Variants in HS6ST2 observed in about 807,000 individuals in gnomAD.
The protein encoded by HS6ST2 is heparan sulfate 6-O-sulfotransferase 2.
HS6ST2 carries 17 observed loss-of-function variants against 33.0 expected under a neutral mutation model. The observed-to-expected ratio is 0.52, with a 90% CI of 0.35 to 0.77. The LOEUF (loss-of-function observed/expected upper bound fraction) is 0.77, where lower values mean the gene tolerates loss of function less well. HS6ST2 is among the 30% of genes least tolerant of loss of function. HS6ST2 has a pLI of 0.01. For synonymous variants in HS6ST2, 248 were observed against 237.1 expected (o/e 1.05, Z -0.42); for missense variants, 519 against 551.7 (o/e 0.94, Z 0.59).
chrX:132,957,377 C>A, intron 1 of HS6ST2, 51 bp from the exon 2 acceptor site: 1 of 1,108,924 alleles, frequency 9.0e-7, no homozygotes, highest in South Asian at 2.3e-5. Context: ...AGCCCGCGCT[C>A]GTCGTGCCCC....
At chrX:132,765,041 G>C (rs764052675) in intron 2 of HS6ST2, among the ~76,000 whole-genome samples, 1 of 112,133 alleles carries the variant, frequency 8.9e-6, no homozygotes, top group Non-Finnish European at 1.9e-5. Flanking sequence ...AGCAAGTGTG[G>C]TTTTAAGTAC....
rs746184624 is a variant in HS6ST2 at position 132,774,619 on chromosome X, A to G, written c.948-66125T>C. Among the ~76,000 whole-genome samples the G allele has an allele frequency of 3.6e-5, 4 of 112,148 alleles. No individual in the cohort carries two copies. The East Asian group carries it at 1.1e-3, about 32-fold the overall frequency. ...GGAATCATCACAATTCATTTTATGT[A>G]AACTTGGGTTGTTGAACACTTTAGG... On this transcript the variant is annotated intron_variant, in intron 2 of 4. Coordinates refer to ENST00000370833, the MANE Select transcript of HS6ST2 (RefSeq NM_001394073.1).
intron 2 of HS6ST2, among the ~76,000 whole-genome samples, chrX:132,850,677 T>G (rs1036591051): frequency 1.8e-5 from 2 of 110,423 alleles, no homozygotes; most frequent in Non-Finnish European, 3.8e-5. Flanking sequence ...TGAACATAAT[T>G]TACTTTAACT....
At chrX:132,671,308 G>A (rs2063875074) in intron 3 of HS6ST2, among the ~76,000 whole-genome samples, 1 of 111,770 alleles carries the variant, frequency 8.9e-6, no homozygotes, top group Non-Finnish European at 1.9e-5. Context: ...GCAGTAGGCA[G>A]TGGGAAACTT....
At chrX:132,702,551 ATG>A (rs1414958276) in intron 3 of HS6ST2, among the ~76,000 whole-genome samples, 1 of 112,101 alleles carries the variant, frequency 8.9e-6, no homozygotes, top group Non-Finnish European at 1.9e-5. Flanking sequence ...AAGCAACAAA[ATG>A]AGAATGCATA....
chrX:132,727,239 G>GT (rs1350267371), intron 2 of HS6ST2, among the ~76,000 whole-genome samples: 1 of 101,011 alleles, frequency 9.9e-6, no homozygotes, highest in African/African-American at 3.7e-5. Flanking sequence ...GCATTATTGG[G>GT]GGGGGGGGCA....
intron 2 of HS6ST2, among the ~76,000 whole-genome samples, chrX:132,855,328 G>C (rs976120157): frequency 8.9e-6 from 1 of 112,118 alleles, no homozygotes; most frequent in Non-Finnish European, 1.9e-5. Context: ...AATCCTTCCA[G>C]ATAGGCATTA....
chrX:132,880,524 A>T (rs1308472780), intron 2 of HS6ST2, among the ~76,000 whole-genome samples: 2 of 1,167 alleles, frequency 1.7e-3, no homozygotes, highest in African/African-American at 7.2e-3. Context: ...GACTCTGTGT[A>T]AAAAAAAAAA....
At chrX:132,919,937 C>T (rs1253578673) in intron 2 of HS6ST2, among the ~76,000 whole-genome samples, 2 of 111,924 alleles carry the variant, frequency 1.8e-5, no homozygotes, top group East Asian at 2.8e-4. Context: ...AAGCATTAGT[C>T]AGCGTACGGA....
intron 3 of HS6ST2, among the ~76,000 whole-genome samples, chrX:132,683,201 T>G (rs1047131915): frequency 1.8e-5 from 2 of 111,686 alleles, no homozygotes; most frequent in Non-Finnish European, 3.8e-5. Context: ...TATGCCTAGG[T>G]GGGCATTTTA....
chrX:132,934,883 AT>A (rs1430924453), intron 2 of HS6ST2, among the ~76,000 whole-genome samples: 1 of 111,627 alleles, frequency 9.0e-6, no homozygotes, highest in Non-Finnish European at 1.9e-5. Context: ...AACACACATT[AT>A]AGATAGAAAA....
chrX:132,679,262 T>A (rs1358829710), intron 3 of HS6ST2, among the ~76,000 whole-genome samples: 1 of 112,005 alleles, frequency 8.9e-6, no homozygotes, highest in East Asian at 2.8e-4. Flanking sequence ...GCCCCTATAG[T>A]CACGTAGGTT....
rs978297405 is a variant in HS6ST2 at position 132,878,720 on chromosome X, G to A, written c.947+78088C>T. ...TTACTTTTAAAAAGTAAGATCATTT[G>A]GAATATAAATAATCATAAACCTATC... On this transcript the variant is annotated intron_variant, in intron 2 of 4. Coordinates refer to ENST00000370833, the MANE Select transcript of HS6ST2 (RefSeq NM_001394073.1). Among the ~76,000 whole-genome samples the A allele has an allele frequency of 9.0e-5, 10 of 111,715 alleles. No individual in the cohort carries two copies. In the East Asian group the frequency reaches 2.8e-3, roughly 31 times the overall value.
chrX:132,851,592 T>C (rs762369227), intron 2 of HS6ST2, among the ~76,000 whole-genome samples: 3 of 112,488 alleles, frequency 2.7e-5, no homozygotes, highest in Non-Finnish European at 3.8e-5. Flanking sequence ...ACAATATCCA[T>C]AACCAGAGAC....
rs775800765 is a variant in HS6ST2 at position 132,910,123 on chromosome X, G to A, written c.947+46685C>T. Among the ~76,000 whole-genome samples the A allele has an allele frequency of 2.7e-5, 3 of 111,766 alleles. No individual in the cohort carries two copies. The South Asian group carries it at 1.1e-3, about 42-fold the overall frequency. The stretch of plus-strand genomic sequence containing the variant: ...TGGAATCCTGAAAGCCTTCAAATTC[G>A]GTCCTGAACCTTATAATGAGAACAT... On this transcript the variant is annotated intron_variant, in intron 2 of 4. Transcript: ENST00000370833.
intron 2 of HS6ST2, among the ~76,000 whole-genome samples, chrX:132,713,556 A>G (rs1403435891): frequency 1.8e-5 from 2 of 111,633 alleles, no homozygotes; most frequent in African/African-American, 3.3e-5. Flanking sequence ...TCTGTGTTCT[A>G]CTGTTTGACC....
rs200591122 is a variant in HS6ST2, at chrX:132,787,202, CAT to C, written c.948-78710_948-78709del. Among the ~76,000 whole-genome samples, 271 of 66,669 alleles carry C rather than the reference CAT, an allele frequency of 4.1e-3. 2 individuals are homozygous for C. Among genetic ancestry groups the C allele is most frequent in the East Asian group, 0.01 (25 of 2,422 alleles). The allele number at this position is 66,669 out of a possible 115,157, so 57.9% of individuals were successfully genotyped here. A position where few individuals can be genotyped will look rare whatever the true frequency, so the allele number is the denominator to read the frequency against. On this transcript the variant is annotated intron_variant, in intron 2 of 4. Transcript: ENST00000370833. ...ATATATATATACATATATATATACA[CAT>C]ATATATATACACATATATATATACA...
intron 2 of HS6ST2, among the ~76,000 whole-genome samples, chrX:132,810,893 C>T (rs915992871): frequency 1.8e-5 from 2 of 112,360 alleles, no homozygotes; most frequent in East Asian, 5.6e-4. Context: ...CATCTATGAT[C>T]AGCGAAGCCT....
chrX:132,696,259 G>A (rs760152428), intron 3 of HS6ST2, among the ~76,000 whole-genome samples: 31 of 111,830 alleles, frequency 2.8e-4, no homozygotes, highest in Non-Finnish European at 5.6e-4. Context: ...TGGCCAGTCT[G>A]TCTGTCTCCA....
Sources: allele counts gnomAD v4.1 joint callset (sites outside exome capture counted in the v4.1 genomes callset), GRCh38; gene constraint gnomAD v4.1.1; transcripts MANE v1.5; gene names NCBI Gene and HGNC (gene_info 2026-07-23, HGNC 2026-07-21).